DAB1: variants seen among roughly 807,000 people sequenced by gnomAD.
The protein encoded by DAB1 is disabled homolog 1.
In DAB1, 15 loss-of-function variants were observed where a neutral mutation model predicts 64.6. That is an observed-to-expected ratio of 0.23 (90% CI 0.16 to 0.36). The LOEUF is 0.36. Among genes scored for constraint, DAB1 ranks in the 10% least tolerant of loss-of-function variants. DAB1 has a pLI of 1.00. For missense variants in DAB1, 596 were observed against 706.7 expected (o/e 0.84, Z 1.78); for synonymous variants, 235 against 251.9 (o/e 0.93, Z 0.64).
chr1:57,000,525 T>C (rs1320968046), intron 14 of DAB1, among the ~76,000 whole-genome samples: 1 of 152,222 alleles, frequency 6.6e-6, no homozygotes, highest in African/African-American at 2.4e-5. Flanking sequence ...TATAGTAAGA[T>C]TATGATTTAT....
At chr1:57,834,901 C>A (rs1652744558) in intron 1 of DAB1, among the ~76,000 whole-genome samples, 1 of 152,104 alleles carries the variant, frequency 6.6e-6, no homozygotes, top group Admixed American at 6.6e-5. Flanking sequence ...AACCCAGGCC[C>A]TCCTTCCCAA....
intron 4 of DAB1, among the ~76,000 whole-genome samples, chr1:58,266,160 A>G (rs370427406): frequency 2.6e-5 from 4 of 152,330 alleles, no homozygotes; most frequent in African/African-American, 9.6e-5. Context: ...CTGAAGAATT[A>G]TGAGTCAATA....
intron 5 of DAB1, among the ~76,000 whole-genome samples, chr1:57,984,544 T>TA (rs1416988234): frequency 2.0e-5 from 3 of 152,192 alleles, no homozygotes; most frequent in African/African-American, 7.2e-5. Context: ...TCCAGCAAAT[T>TA]AAGCAGTAGG....
chr1:57,427,786 T>C (rs1685345478), upstream of DAB1, among the ~76,000 whole-genome samples: 1 of 152,220 alleles, frequency 6.6e-6, no homozygotes, highest in Non-Finnish European at 1.5e-5. Context: ...ATATACATTG[T>C]AAAATAATTA....
intron 7 of DAB1, among the ~76,000 whole-genome samples, chr1:57,633,277 C>T (rs12755476): frequency 0.5 from 75,535 of 152,084 alleles, 19,443 homozygotes; most frequent in East Asian, 0.69. Context: ...AACTTGAGCA[C>T]GCATCTGAAT....
chr1:57,187,196 T>C (rs557933825), intron 2 of DAB1, among the ~76,000 whole-genome samples: 150 of 152,200 alleles, frequency 9.9e-4, no homozygotes, highest in Non-Finnish European at 1.7e-3. Context: ...AATGTGTTGT[T>C]GTCTTTTTTT....
At chr1:58,453,536 CT>C (rs1286318998) in intron 3 of DAB1, among the ~76,000 whole-genome samples, 1 of 152,162 alleles carries the variant, frequency 6.6e-6, no homozygotes, top group Non-Finnish European at 1.5e-5. Context: ...CTCGAAATTC[CT>C]CTCCTTTTGA....
intron 6 of DAB1, among the ~76,000 whole-genome samples, chr1:57,795,690 G>GATATGTATAT (rs1553129770): frequency 2.9e-5 from 2 of 69,092 alleles, no homozygotes; most frequent in African/African-American, 1.1e-4. Context: ...TATGCTTGGA[G>GATATGTATAT]ATATATATAT....
intron 7 of DAB1, among the ~76,000 whole-genome samples, chr1:57,446,598 C>CAAAAA (rs11418380): frequency 7.5e-6 from 1 of 132,800 alleles, no homozygotes; most frequent in Non-Finnish European, 1.6e-5. Flanking sequence ...AACTCCGTTG[C>CAAAAA]AAAAAAAAAA....
intron 1 of DAB1, among the ~76,000 whole-genome samples, chr1:57,318,170 A>AAAG: frequency 6.6e-6 from 1 of 151,744 alleles, no homozygotes; most frequent in Non-Finnish European, 1.5e-5. Flanking sequence ...AAAAAAAAAA[A>AAAG]AAAAAATCCC....
At chr1:58,326,168 C>T (rs556423122) in intron 4 of DAB1, among the ~76,000 whole-genome samples, 1 of 152,302 alleles carries the variant, frequency 6.6e-6, no homozygotes, top group South Asian at 2.1e-4. Context: ...GCTAATTAGT[C>T]CTCAAATTAT....
intron 5 of DAB1, among the ~76,000 whole-genome samples, chr1:57,891,498 C>G (rs1357581150): frequency 6.6e-6 from 1 of 152,104 alleles, no homozygotes; most frequent in Admixed American, 6.5e-5. Context: ...CCCAGCAATC[C>G]CATTACTGGC....
intron 6 of DAB1, among the ~76,000 whole-genome samples, chr1:57,690,324 T>A (rs904196220): frequency 6.6e-6 from 1 of 152,174 alleles, no homozygotes; most frequent in African/African-American, 2.4e-5. Context: ...TAATCCCCTA[T>A]GTCAGAGGAG....
At chr1:57,098,023 C>T (rs544471731) in intron 4 of DAB1, among the ~76,000 whole-genome samples, 116 of 152,198 alleles carry the variant, frequency 7.6e-4, no homozygotes, top group East Asian at 3.5e-3. Context: ...GTGATCTGCC[C>T]GCCTCAGCCT....
chr1:57,588,932 G>A (rs1645411023), intron 7 of DAB1, among the ~76,000 whole-genome samples: 2 of 152,292 alleles, frequency 1.3e-5, no homozygotes, highest in South Asian at 2.1e-4. Context: ...AACAAAAAAA[G>A]TAGATAAAAA....
intron 2 of DAB1, among the ~76,000 whole-genome samples, chr1:57,276,979 A>G (rs1463026735): frequency 6.6e-6 from 1 of 152,206 alleles, no homozygotes; most frequent in Non-Finnish European, 1.5e-5. Context: ...GGAGGAAGGA[A>G]AAGAAAAGAA....
chr1:57,628,679 A>T (rs769381345), intron 7 of DAB1, among the ~76,000 whole-genome samples: 3 of 152,222 alleles, frequency 2.0e-5, no homozygotes, highest in Non-Finnish European at 4.4e-5. Flanking sequence ...TCATTCAAAA[A>T]ATCTTTCACT....
At chr1:58,415,238 C>T (rs1644708309) in intron 3 of DAB1, 1 of 153,336 alleles carries the variant, frequency 6.5e-6, no homozygotes, top group Admixed American at 6.5e-5. Flanking sequence ...CTCACCAGAA[C>T]CAGAACATGC....
At chr1:58,300,616 G>C (rs865797957) in intron 4 of DAB1, among the ~76,000 whole-genome samples, 7 of 44,084 alleles carry the variant, frequency 1.6e-4, no homozygotes, top group Non-Finnish European at 2.6e-4. Context: ...AAGAAAGAGA[G>C]AGAGAGAGAG....
Sources: gnomAD v4.1 joint callset for allele counts (sites outside exome capture counted in the v4.1 genomes callset) on GRCh38, gnomAD v4.1.1 for gene constraint, MANE v1.5 for transcripts, NCBI Gene and HGNC (gene_info 2026-07-23, HGNC 2026-07-21) for gene names.